IGF1R: variants seen among roughly 807,000 people sequenced by gnomAD.
IGF1R encodes the protein insulin like growth factor 1 receptor, also known as insulin-like growth factor 1 receptor.
Under a neutral mutation model 144.6 loss-of-function variants are expected in IGF1R, and 44 were observed. The ratio of observed to expected loss-of-function variants is 0.30; its 90% CI spans 0.24 to 0.39. The LOEUF is 0.39. IGF1R is among the 10% of genes least tolerant of loss of function. The pLI is 1.00. For missense variants in IGF1R, 1,355 were observed against 1,833.7 expected, an observed-to-expected ratio of 0.74 and a Z score of 4.77; for synonymous variants, 795 against 722.8, an observed-to-expected ratio of 1.10 and a Z score of -1.60.
chr15:98,932,047 G>C (rs1216198248), intron 15 of IGF1R, among the ~76,000 whole-genome samples: 1 of 152,238 alleles, frequency 6.6e-6, no homozygotes, highest in Non-Finnish European at 1.5e-5. Flanking sequence ...AGAGGTTGGT[G>C]TGTGTAGCTT....
chr15:98,813,082 T>G (rs1015195872), intron 2 of IGF1R, among the ~76,000 whole-genome samples: 1 of 152,122 alleles, frequency 6.6e-6, no homozygotes, highest in African/African-American at 2.4e-5. Context: ...CCTTGGCAGT[T>G]TTGATCTAAC....
At chr15:98,651,100 G>T in intron 1 of IGF1R, 1 of 980,280 alleles carries the variant, frequency 1.0e-6, no homozygotes, top group Non-Finnish European at 1.2e-6. Flanking sequence ...TGGTTGCCGA[G>T]GGTATGCAGG....
chr15:98,821,289 C>A (rs1261684995), intron 2 of IGF1R, among the ~76,000 whole-genome samples: 1 of 151,932 alleles, frequency 6.6e-6, no homozygotes, highest in South Asian at 2.1e-4. Context: ...CGCCTCCCCC[C>A]CCCCTTTTTA....
intron 2 of IGF1R, among the ~76,000 whole-genome samples, chr15:98,736,539 CTCCT>C (rs1206371415): frequency 9.2e-5 from 14 of 151,842 alleles, no homozygotes; most frequent in African/African-American, 2.9e-4. Context: ...TAAAAAGGCA[CTCCT>C]TCCTTTTAAA....
chr15:98,726,457 A>G (rs1379042307), intron 2 of IGF1R, among the ~76,000 whole-genome samples: 2 of 152,174 alleles, frequency 1.3e-5, no homozygotes, highest in Non-Finnish European at 2.9e-5. Flanking sequence ...GTTTTTGTCC[A>G]CATCTGCCTA....
rs144262728 is a variant in IGF1R, at chr15:98,927,960, C to A, written c.2783-1598C>A. On this transcript the variant is annotated intron_variant, in intron 13 of 20. Transcript: ENST00000650285. Reference sequence around the variant, plus strand: ...CAAAACCAAAATCACAGTTGTTGCCCTCGAAAGGCCTCTTCTCTCCTTTGC... The same window carrying A: ...CAAAACCAAAATCACAGTTGTTGCCATCGAAAGGCCTCTTCTCTCCTTTGC... Among the ~76,000 whole-genome samples, 590 of 152,286 alleles carry A rather than the reference C, an allele frequency of 3.9e-3. 2 individuals are homozygous for A. The highest frequency in any genetic ancestry group is 0.011 in the African/African-American group (456 of 41,560).
At chr15:98,835,491 G>A (rs941213619) in intron 2 of IGF1R, among the ~76,000 whole-genome samples, 6 of 152,204 alleles carry the variant, frequency 3.9e-5, no homozygotes, top group Admixed American at 1.3e-4. Flanking sequence ...TCGACAGAGT[G>A]GATAGGCTTC....
intron 2 of IGF1R, among the ~76,000 whole-genome samples, chr15:98,810,675 A>G (rs923932560): frequency 1.3e-5 from 2 of 151,634 alleles, no homozygotes; most frequent in African/African-American, 4.8e-5. Flanking sequence ...CAACCTCCCA[A>G]GTAGCTGGGA....
At chr15:98,785,487 TAAGG>T (rs1335528358) in intron 2 of IGF1R, among the ~76,000 whole-genome samples, 1 of 152,172 alleles carries the variant, frequency 6.6e-6, no homozygotes, top group Non-Finnish European at 1.5e-5. Flanking sequence ...ATAATGTTCA[TAAGG>T]AAGGGTAGCA....
intron 20 of IGF1R, among the ~76,000 whole-genome samples, chr15:98,955,390 T>G (rs1188463986): frequency 6.6e-6 from 1 of 152,202 alleles, no homozygotes; most frequent in Non-Finnish European, 1.5e-5. Context: ...AAGGGCGACG[T>G]GGTAAATAAA....
At chr15:98,720,896 A>G (rs889140270) in intron 2 of IGF1R, among the ~76,000 whole-genome samples, 1 of 152,212 alleles carries the variant, frequency 6.6e-6, no homozygotes, top group African/African-American at 2.4e-5. Flanking sequence ...CCGATAGCCA[A>G]GCAGGAGTTT....
chr15:98,753,380 C>CTTTTTTTT (rs1173073572), intron 2 of IGF1R, among the ~76,000 whole-genome samples: 59 of 60,290 alleles, frequency 9.8e-4, no homozygotes, highest in African/African-American at 1.9e-3. Flanking sequence ...CCATACCTGG[C>CTTTTTTTT]TTTTTTTTTT....
At chr15:98,942,531 G>T (rs1449629701) in intron 18 of IGF1R, among the ~76,000 whole-genome samples, 2 of 152,092 alleles carry the variant, frequency 1.3e-5, no homozygotes, top group Non-Finnish European at 2.9e-5. Flanking sequence ...TACAGACAGG[G>T]TCTTGCTGTG....
chr15:98,900,730 C>T (rs1443456163), intron 5 of IGF1R: 1 of 152,206 alleles, frequency 6.6e-6, no homozygotes, highest in African/African-American at 2.4e-5. Flanking sequence ...TCCTCAGTCA[C>T]TTACCTGGCA....
intron 2 of IGF1R, among the ~76,000 whole-genome samples, chr15:98,860,233 C>A (rs750308073): frequency 3.9e-5 from 6 of 152,256 alleles, no homozygotes; most frequent in Non-Finnish European, 7.3e-5. Flanking sequence ...TTCAGTTGCT[C>A]ATATCCAAAA....
intron 2 of IGF1R, among the ~76,000 whole-genome samples, chr15:98,718,118 G>C (rs1205625486): frequency 6.6e-6 from 1 of 152,178 alleles, no homozygotes; most frequent in African/African-American, 2.4e-5. Flanking sequence ...TCCGTTCAAG[G>C]GGATCAGGTG....
chr15:98,833,250 G>C (rs548417265), intron 2 of IGF1R, among the ~76,000 whole-genome samples: 1 of 152,218 alleles, frequency 6.6e-6, no homozygotes, highest in Admixed American at 6.5e-5. Flanking sequence ...CCAAACAAAG[G>C]GTTTGGAACA....
chr15:98,936,152 T>C (rs2016139472), intron 17 of IGF1R, among the ~76,000 whole-genome samples: 1 of 152,238 alleles, frequency 6.6e-6, no homozygotes, highest in Non-Finnish European at 1.5e-5. Flanking sequence ...TTCCTCAGAC[T>C]CTACGTCCAC....
chr15:98,818,858 A>G (rs546006918), intron 2 of IGF1R, among the ~76,000 whole-genome samples: 1 of 152,112 alleles, frequency 6.6e-6, no homozygotes, highest in South Asian at 2.1e-4. Flanking sequence ...ACTGGACCAG[A>G]GTCATAGCAA....
Sources: allele counts gnomAD v4.1 joint callset (sites outside exome capture counted in the v4.1 genomes callset), GRCh38; gene constraint gnomAD v4.1.1; transcripts MANE v1.5; gene names NCBI Gene and HGNC (gene_info 2026-07-23, HGNC 2026-07-21).